The following ITGAM variants were observed in gnomAD, a reference collection of about 807,000 sequenced individuals.
ITGAM encodes the protein integrin alpha-M.
A neutral mutation model predicts 137.5 loss-of-function variants in ITGAM; 79 were observed. The observed-to-expected ratio is 0.57, with a 90% CI of 0.48 to 0.69. The LOEUF is 0.69. Ranked by LOEUF, ITGAM falls within the 30% of genes least tolerant of loss-of-function variation. ITGAM has a pLI of 0.00. For synonymous variants in ITGAM, 583 were observed against 592.3 expected (o/e 0.98, Z 0.23); for missense variants, 1,343 against 1,483.5 (o/e 0.91, Z 1.56).
chr16:31,329,726 G>A, intron 24 of ITGAM, 72 bp from the exon 25 acceptor site: 1 of 1,319,632 alleles, frequency 7.6e-7, no homozygotes, highest in Non-Finnish European at 1.1e-6. Flanking sequence ...TGCCCCGTGG[G>A]GAGGGGAGGC....
chr16:31,318,017 T>C (rs892720062), intron 14 of ITGAM, among the ~76,000 whole-genome samples: 3 of 152,194 alleles, frequency 2.0e-5, no homozygotes, highest in African/African-American at 7.2e-5. Flanking sequence ...GTTTGGTTGG[T>C]AGAATTTGCC....
intron 14 of ITGAM, among the ~76,000 whole-genome samples, chr16:31,310,004 GT>G (rs2080308041): frequency 6.6e-6 from 1 of 151,672 alleles, no homozygotes; most frequent in Non-Finnish European, 1.5e-5. Context: ...GGCTTGTAGA[GT>G]TTCTGCTGAG....
chr16:31,330,195 C>A (rs1350890162), intron 26 of ITGAM, 31 bp downstream of exon 26: 1 of 1,604,364 alleles, frequency 6.2e-7, no homozygotes, highest in Non-Finnish European at 8.5e-7. Flanking sequence ...CAGGGCCACA[C>A]AGAGACCCAG....
At chr16:31,331,446 C>A in intron 29 of ITGAM, 171 bp downstream of exon 29, 1 of 667,158 alleles carries the variant, frequency 1.5e-6, no homozygotes. Flanking sequence ...GCGCGGGGCG[C>A]GCTGAGAACG....
chr16:31,330,018 C>T (rs2080558835), intron 25 of ITGAM, 63 bp from the exon 26 acceptor site: 2 of 1,561,532 alleles, frequency 1.3e-6, no homozygotes, highest in Admixed American at 1.8e-5. Context: ...GGCCATCTCA[C>T]CTCCCGAGAT....
chr16:31,270,627 C>T (rs1182642730), intron 5 of ITGAM, among the ~76,000 whole-genome samples: 1 of 145,590 alleles, frequency 6.9e-6, no homozygotes, highest in Non-Finnish European at 1.5e-5. Flanking sequence ...GATCCCCCAC[C>T]CTCAGCCTCC....
chr16:31,270,777 C>T (rs12598380), intron 5 of ITGAM, among the ~76,000 whole-genome samples, 177 bp from the exon 6 acceptor site: 31,797 of 119,192 alleles, frequency 0.27, 5,703 homozygotes, highest in East Asian at 0.67. Flanking sequence ...TATATATATA[C>T]ACACACGTTA....
At chr16:31,313,930 A>G (rs1280532971) in intron 14 of ITGAM, among the ~76,000 whole-genome samples, 1 of 151,880 alleles carries the variant, frequency 6.6e-6, no homozygotes, top group Non-Finnish European at 1.5e-5. Flanking sequence ...TTTAACTGGC[A>G]TGAGATGGTA....
intron 14 of ITGAM, among the ~76,000 whole-genome samples, chr16:31,319,814 T>G (rs2080429434): frequency 6.6e-6 from 1 of 150,682 alleles, no homozygotes; most frequent in African/African-American, 2.5e-5. Flanking sequence ...GTTCTCTTTT[T>G]GTACTTTTTT....
chr16:31,311,630 A>G (rs1202403713), intron 14 of ITGAM, among the ~76,000 whole-genome samples: 2 of 152,180 alleles, frequency 1.3e-5, no homozygotes, highest in African/African-American at 2.4e-5. Flanking sequence ...AAAAGTCAGG[A>G]AACAGCAGGT....
chr16:31,274,184 C>T (rs1363914840), intron 8 of ITGAM, among the ~76,000 whole-genome samples: 1 of 152,198 alleles, frequency 6.6e-6, no homozygotes, highest in Non-Finnish European at 1.5e-5. Flanking sequence ...ATCCTGTTCC[C>T]TCAGACACTC....
At chr16:31,266,695 G>A (rs978365324) in intron 5 of ITGAM, among the ~76,000 whole-genome samples, 8 of 152,028 alleles carry the variant, frequency 5.3e-5, no homozygotes, top group African/African-American at 1.9e-4. Flanking sequence ...GGGTGACAGA[G>A]CAAGACCCTG....
chr16:31,300,249 G>A (rs1432929885), intron 14 of ITGAM, among the ~76,000 whole-genome samples: 1 of 152,146 alleles, frequency 6.6e-6, no homozygotes, highest in Non-Finnish European at 1.5e-5. Flanking sequence ...ACATGGGCAC[G>A]TTCATATCTC....
intron 2 of ITGAM, among the ~76,000 whole-genome samples, chr16:31,263,806 T>A (rs1220758224): frequency 3.1e-4 from 4 of 13,046 alleles, no homozygotes; most frequent in Non-Finnish European, 9.4e-4. Context: ...TACAAAAATT[T>A]ATTTATTTAT....
chr16:31,325,651 T>G, intron 21 of ITGAM, 29 bp downstream of exon 21: 1 of 1,595,154 alleles, frequency 6.3e-7, no homozygotes, highest in Non-Finnish European at 8.5e-7. Context: ...TCCCCTCCTT[T>G]TCTCTTTGAT....
chr16:31,271,651 C>T (rs2079841142), intron 6 of ITGAM, among the ~76,000 whole-genome samples, 196 bp from the exon 7 acceptor site: 1 of 152,228 alleles, frequency 6.6e-6, no homozygotes, highest in African/African-American at 2.4e-5. Flanking sequence ...CTGCTCCCGG[C>T]CGCTGGCCGT....
intron 24 of ITGAM, 64 bp downstream of exon 24, chr16:31,329,367 T>C: frequency 1.7e-6 from 2 of 1,211,216 alleles, no homozygotes; most frequent in African/African-American, 3.0e-5. Context: ...TGGTAGAAAA[T>C]GCAGAAACAG....
At position 31,330,509 on chromosome 16, in the gene ITGAM, G is replaced by A. The variant is rs1418504686; in HGVS notation, c.3180G>A (p.Ser1060=). 10 of 1,613,548 alleles carry A rather than the reference G, an allele frequency of 6.2e-6. No homozygotes were observed. Among genetic ancestry groups the A allele is most frequent in the Non-Finnish European group, 8.5e-6 (10 of 1,179,656 alleles). Residue 1060 remains serine (S), a synonymous_variant, in exon 28 of 30, where the codon TCG becomes TCA. Transcript: ENST00000544665. ...CCACCCGCTCTCTTCCACAGACCTC[G>A]CATAACCACCTCCTGATCGTGAGCA... is the stretch of plus-strand genomic sequence containing the variant. The part of the protein sequence containing the change: ...NLSFDWYIKT[S]HNHLLIVSTA...
intron 8 of ITGAM, 25 bp downstream of exon 8, chr16:31,273,543 A>ATG (rs1220545377): frequency 6.2e-7 from 1 of 1,611,428 alleles, no homozygotes; most frequent in Admixed American, 1.7e-5. Flanking sequence ...TCTCAGGTTG[A>ATG]TGCTTCTGTG....
Sources: gnomAD v4.1 joint callset for allele counts (sites outside exome capture counted in the v4.1 genomes callset) on GRCh38, gnomAD v4.1.1 for gene constraint, MANE v1.5 for transcripts, NCBI Gene and HGNC (gene_info 2026-07-23, HGNC 2026-07-21) for gene names.